Variants in PDSS2 observed in about 807,000 individuals in gnomAD.
PDSS2 encodes all trans-polyprenyl-diphosphate synthase PDSS2.
In PDSS2, 31 loss-of-function variants were observed where a neutral mutation model predicts 44.5. That is an observed-to-expected ratio of 0.70 (90% CI 0.52 to 0.94). The LOEUF is 0.94. Ranked by LOEUF, PDSS2 falls within the 40% of genes least tolerant of loss-of-function variation. PDSS2 has a pLI of 0.00. For synonymous variants in PDSS2, 157 were observed against 180.3 expected, an observed-to-expected ratio of 0.87 and a Z score of 1.03; for missense variants, 452 against 482.2, an observed-to-expected ratio of 0.94 and a Z score of 0.59.
intron 3 of PDSS2, among the ~76,000 whole-genome samples, chr6:107,252,959 G>A (rs17068091): frequency 0.16 from 24,922 of 152,130 alleles, 2,672 homozygotes; most frequent in East Asian, 0.28. Flanking sequence ...TTAGGCCACA[G>A]TTATACATGA....
chr6:107,318,339 A>G (rs980547847), intron 2 of PDSS2, among the ~76,000 whole-genome samples: 3 of 152,200 alleles, frequency 2.0e-5, no homozygotes, highest in Admixed American at 6.5e-5. Context: ...AGCGGAGAGC[A>G]GTGCTAGGCA....
intron 6 of PDSS2, among the ~76,000 whole-genome samples, chr6:107,199,252 C>A (rs1772683120): frequency 6.6e-6 from 1 of 152,164 alleles, no homozygotes; most frequent in African/African-American, 2.4e-5. Flanking sequence ...TGTGTGACCT[C>A]TTGGAATTTA....
intron 2 of PDSS2, among the ~76,000 whole-genome samples, chr6:107,300,300 C>A (rs372693235): frequency 6.6e-6 from 1 of 152,156 alleles, no homozygotes; most frequent in South Asian, 2.1e-4. Flanking sequence ...GAAGGCACCC[C>A]TCCTGAGGAA....
intron 7 of PDSS2, among the ~76,000 whole-genome samples, chr6:107,177,029 C>T (rs994182030): frequency 2.0e-5 from 3 of 151,306 alleles, no homozygotes; most frequent in African/African-American, 4.9e-5. Context: ...AGCAGACATG[C>T]CTGCTCTCAA....
intron 2 of PDSS2, among the ~76,000 whole-genome samples, chr6:107,326,216 C>T (rs1460664425): frequency 6.6e-6 from 1 of 151,484 alleles, no homozygotes; most frequent in Non-Finnish European, 1.5e-5. Context: ...GATTTTCCTG[C>T]CTCAGCCTCC....
intron 1 of PDSS2, among the ~76,000 whole-genome samples, chr6:107,365,651 G>A (rs535240110): frequency 1.8e-4 from 27 of 152,080 alleles, no homozygotes; most frequent in African/African-American, 5.1e-4. Flanking sequence ...AGAAAAAGAC[G>A]GTAATAGGTT....
intron 3 of PDSS2, among the ~76,000 whole-genome samples, chr6:107,259,797 T>C (rs781265480): frequency 6.6e-6 from 1 of 152,206 alleles, no homozygotes; most frequent in African/African-American, 2.4e-5. Flanking sequence ...ATGTCATCTC[T>C]AGGAATGTAA....
chr6:107,222,140 AT>A (rs973594401), intron 4 of PDSS2, among the ~76,000 whole-genome samples: 62 of 152,236 alleles, frequency 4.1e-4, no homozygotes, highest in African/African-American at 1.3e-3. Context: ...CTTTTCAATT[AT>A]TTTGAGAAAC....
chr6:107,428,035 A>C (rs373899672), intron 1 of PDSS2, among the ~76,000 whole-genome samples: 2 of 152,236 alleles, frequency 1.3e-5, no homozygotes, highest in African/African-American at 4.8e-5. Flanking sequence ...AATTCTATCT[A>C]TATCTATAAT....
intron 3 of PDSS2, among the ~76,000 whole-genome samples, chr6:107,250,305 A>C (rs1163740691): frequency 2.0e-5 from 3 of 152,210 alleles, no homozygotes; most frequent in Admixed American, 6.5e-5. Context: ...AAATGAGGTC[A>C]ATCTATGTGT....
At chr6:107,275,769 A>G (rs1775759421) in intron 2 of PDSS2, among the ~76,000 whole-genome samples, 1 of 152,162 alleles carries the variant, frequency 6.6e-6, no homozygotes, top group South Asian at 2.1e-4. Context: ...GCAAACTCTT[A>G]GTGGAAGCTG....
rs1450757368 is a variant in PDSS2, at chr6:107,153,637, A to C, written c.*982T>G. On this transcript the variant is annotated 3_prime_UTR_variant, in exon 8 of 8. Coordinates refer to ENST00000369037, the MANE Select transcript of PDSS2 (RefSeq NM_020381.4). ...AAAAACTGATCTTCAGGAAAGAAAAACAGACTATTCCTAATATAACCAATT... is the reference window on the plus strand; with the variant it reads ...AAAAACTGATCTTCAGGAAAGAAAACCAGACTATTCCTAATATAACCAATT... The C allele has an allele frequency of 6.6e-6, 1 of 152,660 alleles. No homozygotes were observed. The highest frequency in any genetic ancestry group is 2.4e-5 in the African/African-American group (1 of 41,466). 9.5% of individuals were successfully genotyped at this position (152,660 alleles called of 1,614,324 possible).
intron 2 of PDSS2, among the ~76,000 whole-genome samples, chr6:107,324,385 T>C (rs961369054): frequency 6.6e-6 from 1 of 152,212 alleles, no homozygotes; most frequent in African/African-American, 2.4e-5. Context: ...AAAATCACTG[T>C]CAATAAGCGC....
chr6:107,198,894 G>A (rs1772662882), intron 6 of PDSS2, among the ~76,000 whole-genome samples: 1 of 152,190 alleles, frequency 6.6e-6, no homozygotes, highest in African/African-American at 2.4e-5. Context: ...TACTTAGGAG[G>A]CTGAGGTGGG....
At chr6:107,355,851 G>A (rs190935681) in intron 1 of PDSS2, among the ~76,000 whole-genome samples, 40 of 152,330 alleles carry the variant, frequency 2.6e-4, no homozygotes, top group Non-Finnish European at 4.6e-4. Flanking sequence ...TTCTGGGAGC[G>A]GGGCCACAAC....
intron 2 of PDSS2, among the ~76,000 whole-genome samples, chr6:107,326,679 C>T (rs1777557337): frequency 6.6e-6 from 1 of 151,722 alleles, no homozygotes; most frequent in Non-Finnish European, 1.5e-5. Flanking sequence ...CGGTGAAACC[C>T]TGTCTCTACT....
intron 1 of PDSS2, among the ~76,000 whole-genome samples, chr6:107,351,032 TTAA>T (rs1778418920): frequency 6.6e-6 from 1 of 151,904 alleles, no homozygotes; most frequent in Admixed American, 6.6e-5. Flanking sequence ...ACAAATTAAT[TTAA>T]ATAAAGTCAA....
In PDSS2 at chr6:107,458,412, C is replaced by CAAAA. The variant is rs60758453; in HGVS notation, c.296+574_296+577dup. The stretch of plus-strand genomic sequence containing the variant: ...TGGGCGACAAAGCGAGACTCCGTCT[C>CAAAA]AAAAAAAAAAAAAAAAAAAACTTTT... On this transcript the variant is annotated intron_variant, in intron 1 of 7. Transcript: ENST00000369037. Among the ~76,000 whole-genome samples the CAAAA allele has an allele frequency of 4.2e-3, 328 of 78,090 alleles. 32 individuals carry two copies. Among genetic ancestry groups the CAAAA allele is most frequent in the African/African-American group, 0.018 (285 of 15,606 alleles). 51.2% of individuals were successfully genotyped at this position (78,090 alleles called of 152,430 possible). A position where few individuals can be genotyped will look rare whatever the true frequency, so the allele number is the denominator to read the frequency against.
chr6:107,199,842 G>A (rs1338870241), intron 6 of PDSS2, among the ~76,000 whole-genome samples: 2 of 152,158 alleles, frequency 1.3e-5, no homozygotes, highest in Non-Finnish European at 2.9e-5. Context: ...TTGTGAGCTA[G>A]TATGCAGGTA....
Sources: allele counts gnomAD v4.1 joint callset (sites outside exome capture counted in the v4.1 genomes callset), GRCh38; gene constraint gnomAD v4.1.1; transcripts MANE v1.5; gene names NCBI Gene and HGNC (gene_info 2026-07-23, HGNC 2026-07-21).